ANO3: variants seen among roughly 807,000 people sequenced by gnomAD.
The protein encoded by ANO3 is anoctamin 3.
ANO3 carries 99 observed loss-of-function variants against 144.8 expected under a neutral mutation model. That is an observed-to-expected ratio of 0.68 (90% CI 0.58 to 0.81). ANO3 has a LOEUF of 0.81. ANO3 is among the 30% of genes least tolerant of loss of function. ANO3 has a pLI of 0.00. For missense variants in ANO3, 905 were observed against 1,202.2 expected (o/e 0.75, Z 3.66); for synonymous variants, 414 against 392.6 (o/e 1.05, Z -0.64).
chr11:26,430,173 A>G (rs1480612857), intron 1 of ANO3, among the ~76,000 whole-genome samples: 2 of 151,954 alleles, frequency 1.3e-5, no homozygotes, highest in African/African-American at 2.4e-5. Context: ...AGGTAGGAAG[A>G]TCACCTGAAC....
intron 1 of ANO3, among the ~76,000 whole-genome samples, chr11:26,289,314 C>A (rs1219963731): frequency 6.6e-6 from 1 of 151,620 alleles, no homozygotes; most frequent in Non-Finnish European, 1.5e-5. Flanking sequence ...ACTGAGCATA[C>A]TCAGTAATAA....
At chr11:26,540,688 T>C (rs1849620217) in intron 10 of ANO3, among the ~76,000 whole-genome samples, 1 of 151,928 alleles carries the variant, frequency 6.6e-6, no homozygotes, top group Non-Finnish European at 1.5e-5. Context: ...AACAAAGATA[T>C]GAAAAAAAGC....
chr11:26,438,199 A>C lies in ANO3; in HGVS notation c.47-3719A>C, dbSNP rs1339520738. 2.0e-5 allele frequency among the ~76,000 whole-genome samples: 3 copies of C among 152,222 alleles called. No homozygotes were observed. The East Asian group carries it at 5.8e-4, about 29-fold the overall frequency. ...AAAGAAACTCGCATTTACAATAGCC[A>C]AAAGAGAGCGGGAGCTAACCAATAT... On this transcript the variant is annotated intron_variant, in intron 1 of 26. Transcript: ENST00000256737.
chr11:26,615,352 C>T (rs1022580112), intron 17 of ANO3, among the ~76,000 whole-genome samples: 1 of 149,278 alleles, frequency 6.7e-6, no homozygotes, highest in Non-Finnish European at 1.5e-5. Context: ...GTGGTTCCCT[C>T]TCTCCCCTGG....
chr11:26,487,439 G>A (rs1023499355), intron 4 of ANO3, among the ~76,000 whole-genome samples: 6 of 152,120 alleles, frequency 3.9e-5, no homozygotes, highest in East Asian at 1.9e-4. Flanking sequence ...TCAGCAGTTC[G>A]AAAATGTACA....
At chr11:26,564,166 C>T (rs920808045) in intron 14 of ANO3, among the ~76,000 whole-genome samples, 1 of 151,460 alleles carries the variant, frequency 6.6e-6, no homozygotes, top group Non-Finnish European at 1.5e-5. Context: ...TCAGTATTCT[C>T]AATATGTATA....
chr11:26,651,403 A>G (rs1474581970), intron 24 of ANO3, among the ~76,000 whole-genome samples: 1 of 152,092 alleles, frequency 6.6e-6, no homozygotes, highest in Non-Finnish European at 1.5e-5. Flanking sequence ...AATACATGAG[A>G]CCAGATTTTC....
At chr11:26,441,106 GTTTTTTT>G (rs1022676698) in intron 1 of ANO3, among the ~76,000 whole-genome samples, 2,645 of 86,222 alleles carry the variant, frequency 0.031, 25 homozygotes, top group Non-Finnish European at 0.045. Context: ...TTGCTGCCCA[GTTTTTTT>G]TTTTTTTTTT....
At chr11:26,190,325 A>C (rs1299544536) in intron 1 of ANO3, among the ~76,000 whole-genome samples, 1 of 152,142 alleles carries the variant, frequency 6.6e-6, no homozygotes, top group Non-Finnish European at 1.5e-5. Flanking sequence ...ATTATGTATT[A>C]TATGAGTTGT....
intron 24 of ANO3, among the ~76,000 whole-genome samples, chr11:26,652,175 G>A (rs141252872): frequency 0.031 from 4,654 of 152,218 alleles, 99 homozygotes; most frequent in Non-Finnish European, 0.049. Context: ...CAACCACACT[G>A]ACTAGTTTCA....
upstream of ANO3, chr11:26,332,118 G>C: frequency 1.3e-6 from 2 of 1,489,812 alleles, no homozygotes; most frequent in Non-Finnish European, 1.8e-6. Flanking sequence ...GACACCGGCG[G>C]GCGCGTAGCC....
chr11:26,190,960 T>G (rs11029375), intron 1 of ANO3, among the ~76,000 whole-genome samples: 1 of 152,368 alleles, frequency 6.6e-6, no homozygotes, highest in East Asian at 1.9e-4. Context: ...TGTGTTTATT[T>G]GTATGCATAT....
intron 1 of ANO3, among the ~76,000 whole-genome samples, chr11:26,264,178 T>C (rs1853256678): frequency 6.6e-6 from 1 of 152,220 alleles, no homozygotes. Context: ...TACATCTCCG[T>C]AGATTTTGAA....
intron 1 of ANO3, among the ~76,000 whole-genome samples, chr11:26,241,407 G>A (rs984525407): frequency 6.6e-6 from 1 of 152,062 alleles, no homozygotes; most frequent in Non-Finnish European, 1.5e-5. Flanking sequence ...CCCAAATATT[G>A]CCCCTGATTT....
At chr11:26,429,637 T>G (rs926004959) in intron 1 of ANO3, among the ~76,000 whole-genome samples, 4 of 152,068 alleles carry the variant, frequency 2.6e-5, no homozygotes, top group African/African-American at 9.7e-5. Context: ...TAAAACCCAC[T>G]CTGTGCTGTA....
At chr11:26,291,564 G>T (rs1301910697) in intron 1 of ANO3, among the ~76,000 whole-genome samples, 1 of 152,146 alleles carries the variant, frequency 6.6e-6, no homozygotes, top group African/African-American at 2.4e-5. Flanking sequence ...TCCTTTCCAT[G>T]TTTAGTGCTT....
At chr11:26,448,645 A>G (rs1241725371) in intron 3 of ANO3, among the ~76,000 whole-genome samples, 5 of 152,230 alleles carry the variant, frequency 3.3e-5, no homozygotes, top group African/African-American at 1.2e-4. Flanking sequence ...TTATATGAAG[A>G]TGGCATAAGA....
intron 13 of ANO3, among the ~76,000 whole-genome samples, chr11:26,555,380 C>G (rs1377557017): frequency 1.3e-5 from 2 of 152,172 alleles, no homozygotes; most frequent in Admixed American, 1.3e-4. Flanking sequence ...TAATAACACA[C>G]ATTGGCATTA....
chr11:26,328,904 G>C (rs1433449301), upstream of ANO3, among the ~76,000 whole-genome samples: 1 of 152,024 alleles, frequency 6.6e-6, no homozygotes, highest in Non-Finnish European at 1.5e-5. Context: ...CAACTTGCAA[G>C]CATGATTACT....
Sources: allele counts gnomAD v4.1 joint callset (sites outside exome capture counted in the v4.1 genomes callset), GRCh38; gene constraint gnomAD v4.1.1; transcripts MANE v1.5; gene names NCBI Gene and HGNC (gene_info 2026-07-23, HGNC 2026-07-21).